EPHA3: variants seen among roughly 807,000 people sequenced by gnomAD.
EPHA3 encodes EPH receptor A3.
Under a neutral mutation model 107.1 loss-of-function variants are expected in EPHA3, and 42 were observed. That is an observed-to-expected ratio of 0.39 (90% CI 0.31 to 0.51). The LOEUF (loss-of-function observed/expected upper bound fraction) is 0.51. Among genes scored for constraint, EPHA3 ranks in the 20% least tolerant of loss-of-function variants. EPHA3 has a pLI of 0.78. For missense variants in EPHA3, 1,183 were observed against 1,211.2 expected (o/e 0.98, Z 0.35); for synonymous variants, 461 against 424.8 (o/e 1.09, Z -1.05).
chr3:89,111,384 G>T (rs886201098), intron 1 of EPHA3, among the ~76,000 whole-genome samples: 1 of 151,922 alleles, frequency 6.6e-6, no homozygotes, highest in African/African-American at 2.4e-5. Flanking sequence ...ATCTTTATAA[G>T]TTTTTTTGGT....
chr3:89,404,457 C>A (rs1202644645), intron 7 of EPHA3, among the ~76,000 whole-genome samples: 2 of 152,134 alleles, frequency 1.3e-5, no homozygotes, highest in Non-Finnish European at 2.9e-5. Context: ...CTCTGAATCA[C>A]TCTTTTGAGA....
chr3:89,150,991 A>G (rs1032649211), intron 2 of EPHA3, among the ~76,000 whole-genome samples: 1 of 152,042 alleles, frequency 6.6e-6, no homozygotes, highest in Non-Finnish European at 1.5e-5. Context: ...AAAGAAGACA[A>G]TACAGACAAG....
chr3:89,203,779 A>G (rs1055184056), intron 2 of EPHA3, among the ~76,000 whole-genome samples: 13 of 152,052 alleles, frequency 8.5e-5, no homozygotes, highest in Non-Finnish European at 8.8e-5. Context: ...TCTGTCTCAA[A>G]AAAATAAATA....
Position 89,238,440 on chromosome 3 carries a change from T to A in EPHA3, c.814+27920T>A, listed in dbSNP as rs1412948592. Among the ~76,000 whole-genome samples the A allele has an allele frequency of 2.0e-5, 3 of 152,186 alleles. No individual in the cohort carries two copies. The East Asian group carries it at 5.8e-4, about 29-fold the overall frequency. On this transcript the variant is annotated intron_variant, in intron 3 of 16. Coordinates refer to ENST00000336596, the MANE Select transcript of EPHA3 (RefSeq NM_005233.6). The stretch of plus-strand genomic sequence containing the variant: ...CCAATTTTGAATCTGATAATTGAAT[T>A]TTTTTCTAAAGATTTCAATATTGTA...
At chr3:89,265,414 G>T (rs1170836203) in intron 3 of EPHA3, among the ~76,000 whole-genome samples, 3 of 152,134 alleles carry the variant, frequency 2.0e-5, no homozygotes, top group Admixed American at 1.3e-4. Context: ...CAGAAAAAAA[G>T]TTATTTTCTA....
chr3:89,279,559 T>C (rs2107311673), intron 3 of EPHA3, among the ~76,000 whole-genome samples: 1 of 152,218 alleles, frequency 6.6e-6, no homozygotes, highest in East Asian at 1.9e-4. Context: ...TGGTATTCAG[T>C]GATGTGAGCT....
intron 3 of EPHA3, among the ~76,000 whole-genome samples, chr3:89,316,448 A>C (rs943084351): frequency 6.7e-6 from 1 of 148,676 alleles, no homozygotes; most frequent in Non-Finnish European, 1.5e-5. Flanking sequence ...TACAATACAG[A>C]GGTCTTTCAG....
chr3:89,231,089 A>G (rs1187526101), intron 3 of EPHA3, among the ~76,000 whole-genome samples: 1 of 152,138 alleles, frequency 6.6e-6, no homozygotes, highest in Non-Finnish European at 1.5e-5. Flanking sequence ...GAATTTATGT[A>G]ATGGGGGAAT....
chr3:89,164,420 C>T (rs1276382455), intron 2 of EPHA3, among the ~76,000 whole-genome samples: 1 of 152,192 alleles, frequency 6.6e-6, no homozygotes. Flanking sequence ...TCCAACAAAC[C>T]TTTGCAGAGT....
chr3:89,150,511 A>G lies in EPHA3; in HGVS notation c.153+23238A>G, dbSNP rs564866975. On this transcript the variant is annotated intron_variant, in intron 2 of 16. Transcript: ENST00000336596. ...ATTTGGGAGACCTTCTAGAGTAGGT[A>G]ATAGCTAATATCCTTCATTTTATGA... is the stretch of plus-strand genomic sequence containing the variant. 2.0e-5 allele frequency among the ~76,000 whole-genome samples: 3 copies of G among 152,168 alleles called. 1 individual carries two copies. Among genetic ancestry groups the G allele is most frequent in the African/African-American group, 7.2e-5 (3 of 41,552 alleles).
At chr3:89,220,698 C>T (rs1286503008) in intron 3 of EPHA3, among the ~76,000 whole-genome samples, 1 of 152,116 alleles carries the variant, frequency 6.6e-6, no homozygotes, top group East Asian at 1.9e-4. Flanking sequence ...TCAAATCTAA[C>T]ATTTGACTCC....
chr3:89,110,729 T>C (rs1267729144), intron 1 of EPHA3, among the ~76,000 whole-genome samples: 1 of 152,024 alleles, frequency 6.6e-6, no homozygotes, highest in Admixed American at 6.6e-5. Context: ...ATTTTAAAAG[T>C]TCATATACTT....
At chr3:89,154,241 G>A (rs1253336559) in intron 2 of EPHA3, among the ~76,000 whole-genome samples, 3 of 149,258 alleles carry the variant, frequency 2.0e-5, no homozygotes, top group Admixed American at 6.7e-5. Context: ...GGAAAGTTTT[G>A]GGCTTCCTTG....
Position 89,346,080 on chromosome 3 carries a change from G to A in EPHA3, c.1306+3990G>A, listed in dbSNP as rs1463068316. 4.9e-4 allele frequency among the ~76,000 whole-genome samples: 61 copies of A among 124,312 alleles called. 4 individuals are homozygous for A. The highest frequency in any genetic ancestry group is 1.8e-3 in the African/African-American group (58 of 31,482). 81.6% of individuals were successfully genotyped at this position (124,312 alleles called of 152,430 possible). On this transcript the variant is annotated intron_variant, in intron 5 of 16. Coordinates refer to ENST00000336596, the MANE Select transcript of EPHA3 (RefSeq NM_005233.6). ...GTGAATAATGCCTCAATAAACATAC[G>A]TGTGCATGTGTCTTTATAGCAGCAT...
Position 89,480,619 on chromosome 3 carries a change from T to TTA in EPHA3, c.*1117_*1118insTA, listed in dbSNP as rs1553698260. 1.5e-5 allele frequency: 3 copies of TTA among 200,156 alleles called. No homozygotes were observed. The highest frequency in any genetic ancestry group is 2.4e-5 in the African/African-American group (1 of 42,314). The allele number at this position is 200,156 out of a possible 1,614,324, so 12.4% of individuals were successfully genotyped here. A position where few individuals can be genotyped will look rare whatever the true frequency, so the allele number is the denominator to read the frequency against. The stretch of plus-strand genomic sequence containing the variant: ...CACAGCCTATAGGCCAATGCATGAG[T>TTA]AAAAAAAAAAACAATTACTGGCTCA... On this transcript the variant is annotated 3_prime_UTR_variant, in exon 17 of 17. Transcript: ENST00000336596.
intron 2 of EPHA3, among the ~76,000 whole-genome samples, chr3:89,163,472 TA>T (rs1704993808): frequency 6.6e-6 from 1 of 152,254 alleles, no homozygotes; most frequent in Admixed American, 6.5e-5. Context: ...CTTTTTATCA[TA>T]TTTTTTAATA....
At chr3:89,176,565 A>C (rs560037581) in intron 2 of EPHA3, among the ~76,000 whole-genome samples, 1 of 151,956 alleles carries the variant, frequency 6.6e-6, no homozygotes, top group South Asian at 2.1e-4. Flanking sequence ...CCAGTTACTT[A>C]ACCTTTCTAA....
intron 2 of EPHA3, among the ~76,000 whole-genome samples, chr3:89,129,950 C>T (rs921502160): frequency 5.3e-5 from 8 of 152,098 alleles, no homozygotes; most frequent in African/African-American, 1.9e-4. Flanking sequence ...TAAAATATGA[C>T]TGTAAACTTA....
intron 5 of EPHA3, among the ~76,000 whole-genome samples, chr3:89,395,544 A>G (rs1205650875): frequency 6.6e-6 from 1 of 152,168 alleles, no homozygotes; most frequent in Admixed American, 6.5e-5. Flanking sequence ...ACATTATAGT[A>G]GCAGATTGAA....
Sources: gnomAD v4.1 joint callset for allele counts (sites outside exome capture counted in the v4.1 genomes callset) on GRCh38, gnomAD v4.1.1 for gene constraint, MANE v1.5 for transcripts, NCBI Gene and HGNC (gene_info 2026-07-23, HGNC 2026-07-21) for gene names.